Variants in MYO1D observed in about 807,000 individuals in gnomAD.
The protein encoded by MYO1D is myosin ID.
MYO1D carries 83 observed loss-of-function variants against 122.0 expected under a neutral mutation model. That is an observed-to-expected ratio of 0.68 (90% confidence interval 0.57 to 0.82). MYO1D has a LOEUF of 0.82. MYO1D is among the 40% of genes least tolerant of loss of function. The probability of loss-of-function intolerance (pLI) is 0.00; values close to 1 mark genes in which losing one functional copy is unlikely to be tolerated. For synonymous variants in MYO1D, 464 were observed against 446.9 expected (o/e 1.04, Z -0.48); for missense variants, 1,157 against 1,269.5 (o/e 0.91, Z 1.35).
At chr17:32,541,884 C>T (rs1344087603) in intron 21 of MYO1D, among the ~76,000 whole-genome samples, 1 of 152,164 alleles carries the variant, frequency 6.6e-6, no homozygotes, top group East Asian at 1.9e-4. Flanking sequence ...TCTTTGCCTT[C>T]CCTGAAACAG....
intron 16 of MYO1D, among the ~76,000 whole-genome samples, chr17:32,682,315 G>A (rs946020114): frequency 1.3e-5 from 2 of 151,300 alleles, no homozygotes; most frequent in African/African-American, 4.9e-5. Context: ...TGATGATTTT[G>A]CTCGTTAGTT....
chr17:32,767,115 G>T (rs1598081179), intron 7 of MYO1D, among the ~76,000 whole-genome samples: 1 of 152,196 alleles, frequency 6.6e-6, no homozygotes, highest in African/African-American at 2.4e-5. Flanking sequence ...GTTAATGAAA[G>T]AAATCTAACA....
At chr17:32,662,532 G>C (rs1389728880) in intron 16 of MYO1D, among the ~76,000 whole-genome samples, 1 of 152,160 alleles carries the variant, frequency 6.6e-6, no homozygotes, top group Non-Finnish European at 1.5e-5. Flanking sequence ...AATTAGGCAA[G>C]TGTGGTGGTG....
intron 12 of MYO1D, among the ~76,000 whole-genome samples, chr17:32,747,734 G>C (rs2089852524): frequency 6.6e-6 from 1 of 152,108 alleles, no homozygotes; most frequent in Non-Finnish European, 1.5e-5. Flanking sequence ...CTACTCAGGA[G>C]GCTGAGACAG....
chr17:32,664,273 C>T (rs957127160), intron 16 of MYO1D, among the ~76,000 whole-genome samples: 1 of 152,120 alleles, frequency 6.6e-6, no homozygotes, highest in African/African-American at 2.4e-5. Flanking sequence ...GGTTTTCCCA[C>T]CAAGGGTCTG....
chr17:32,809,140 A>G (rs1008561036), intron 1 of MYO1D, among the ~76,000 whole-genome samples: 2 of 151,460 alleles, frequency 1.3e-5, no homozygotes, highest in Non-Finnish European at 2.9e-5. Context: ...TTGATAAAAA[A>G]AAAAAAAAAA....
intron 21 of MYO1D, among the ~76,000 whole-genome samples, chr17:32,526,207 G>A (rs957934648): frequency 6.6e-6 from 1 of 152,134 alleles, no homozygotes; most frequent in African/African-American, 2.4e-5. Flanking sequence ...GCAGGGTCTG[G>A]GTTCTGTTCA....
At chr17:32,748,785 CA>C in intron 12 of MYO1D, 150 bp downstream of exon 12, 1 of 734,238 alleles carries the variant, frequency 1.4e-6, no homozygotes, top group East Asian at 2.5e-5. Flanking sequence ...GAAGCTATGC[CA>C]TTTTTAAGTT....
chr17:32,573,378 CTA>C (rs966769494), intron 21 of MYO1D, among the ~76,000 whole-genome samples: 1 of 152,206 alleles, frequency 6.6e-6, no homozygotes, highest in African/African-American at 2.4e-5. Flanking sequence ...AGCTGCCACT[CTA>C]TTTCTCTCTT....
intron 1 of MYO1D, among the ~76,000 whole-genome samples, chr17:32,847,592 G>C (rs2090949682): frequency 6.6e-6 from 1 of 152,184 alleles, no homozygotes; most frequent in South Asian, 2.1e-4. Context: ...TCAGCTCATT[G>C]CAATCTCCAC....
At chr17:32,639,363 T>TGTGTGTGTGTGTGTGTG (rs1567923149) in intron 19 of MYO1D, among the ~76,000 whole-genome samples, 1 of 128,222 alleles carries the variant, frequency 7.8e-6, no homozygotes, top group African/African-American at 3.2e-5. Context: ...GGGAGAAATT[T>TGTGTGTGTGTGTGTGTG]TGTGTGTGTG....
chr17:32,759,082 A>G (rs1421721054), intron 10 of MYO1D, among the ~76,000 whole-genome samples: 1 of 152,166 alleles, frequency 6.6e-6, no homozygotes, highest in Non-Finnish European at 1.5e-5. Flanking sequence ...ACCGTGTATT[A>G]TATTATACAA....
intron 1 of MYO1D, among the ~76,000 whole-genome samples, chr17:32,863,874 T>C (rs1424425523): frequency 2.0e-5 from 3 of 152,134 alleles, no homozygotes; most frequent in African/African-American, 7.2e-5. Flanking sequence ...AGAACTGAAG[T>C]AGATTTTTTA....
intron 1 of MYO1D, among the ~76,000 whole-genome samples, chr17:32,809,050 G>A (rs2090545922): frequency 6.6e-6 from 1 of 150,900 alleles, no homozygotes; most frequent in South Asian, 2.1e-4. Context: ...AGATTTGAGA[G>A]ATATTTCTAA....
Position 32,760,494 on chromosome 17 carries a change from AAGATTTCAAAGCCAT to A in MYO1D, c.1154_1168del (p.Tyr385_Ile389del). 6.2e-7 allele frequency: 1 copy of A among 1,613,126 alleles called. No individual in the cohort carries two copies. The highest frequency in any genetic ancestry group is 1.3e-5 in the African/African-American group (1 of 75,020). ...TTTTCCAGTTTACCTGTTGTTGTCA[AAGATTTCAAAGCCAT>A]AGATATCCAAGACACCAATAACAGT... On this transcript the variant is annotated inframe_deletion, in exon 9 of 22. Coordinates refer to ENST00000318217, the MANE Select transcript of MYO1D (RefSeq NM_015194.3).
At chr17:32,776,241 G>A (rs181222655) in intron 3 of MYO1D, among the ~76,000 whole-genome samples, 338 of 151,982 alleles carry the variant, frequency 2.2e-3, no homozygotes, top group Non-Finnish European at 3.6e-3. Flanking sequence ...TACTATACAG[G>A]TGCTAAAAAG....
chr17:32,498,084 G>T (rs528825715), intron 21 of MYO1D: 12 of 152,324 alleles, frequency 7.9e-5, no homozygotes, highest in Non-Finnish European at 1.6e-4. Context: ...CCCCAGCACC[G>T]CAGGAGATGG....
intron 1 of MYO1D, chr17:32,794,075 C>T (rs936816216): frequency 6.6e-6 from 1 of 152,216 alleles, no homozygotes; most frequent in Admixed American, 6.5e-5. Flanking sequence ...GTGAGGGTTA[C>T]TTCTGCTAGC....
chr17:32,670,084 C>T (rs116151765), intron 16 of MYO1D, among the ~76,000 whole-genome samples: 2,198 of 151,792 alleles, frequency 0.014, 58 homozygotes, highest in African/African-American at 0.05. Context: ...TTAGTAGAGA[C>T]GGGGTTTTGC....
Sources: gnomAD v4.1 joint callset for allele counts (sites outside exome capture counted in the v4.1 genomes callset) on GRCh38, gnomAD v4.1.1 for gene constraint, MANE v1.5 for transcripts, NCBI Gene and HGNC (gene_info 2026-07-23, HGNC 2026-07-21) for gene names.